Variants in COL11A1 observed in about 807,000 individuals in gnomAD.
COL11A1 encodes the protein collagen type XI alpha 1 chain, also known as collagen alpha-1(XI) chain.
In COL11A1, 74 loss-of-function variants were observed where a neutral mutation model predicts 265.2. The observed-to-expected ratio is 0.28, with a 90% CI of 0.23 to 0.34. The LOEUF is 0.34. Ranked by LOEUF, COL11A1 falls within the 10% of genes least tolerant of loss-of-function variation. The pLI is 1.00. For synonymous variants in COL11A1, 816 were observed against 727.6 expected (o/e 1.12, Z -1.96); for missense variants, 2,165 against 2,263.6 (o/e 0.96, Z 0.88).
chr1:102,901,099 C>T (rs1017065157), intron 54 of COL11A1, among the ~76,000 whole-genome samples: 11 of 151,972 alleles, frequency 7.2e-5, no homozygotes, highest in Non-Finnish European at 1.6e-4. Flanking sequence ...GCAGGCGGAT[C>T]GCCTCAGGCC....
chr1:103,097,844 C>T (rs1673907495), intron 1 of COL11A1, among the ~76,000 whole-genome samples: 1 of 151,944 alleles, frequency 6.6e-6, no homozygotes, highest in African/African-American at 2.4e-5. Flanking sequence ...GTCTGTGTAG[C>T]CACAGCACTT....
At position 102,961,939 on chromosome 1, in the gene COL11A1, TA is replaced by T. The variant is rs754587725; in HGVS notation, c.3115-21del. The T allele has an allele frequency of 3.2e-5, 51 of 1,608,492 alleles. No individual in the cohort carries two copies. Among genetic ancestry groups the T allele is most frequent in the Non-Finnish European group, 4.2e-5 (50 of 1,177,164 alleles). ...TGCACCCTGGGAAAAGTGAAAAAAA[TA>T]AAGAAAATGAATCCATATGAATTGA... is the stretch of plus-strand genomic sequence containing the variant. On this transcript the variant is annotated intron_variant, in intron 40 of 66. Coordinates refer to ENST00000370096, the MANE Select transcript of COL11A1 (RefSeq NM_001854.4).
chr1:102,986,253 G>A (rs987317860), intron 30 of COL11A1, among the ~76,000 whole-genome samples: 1 of 151,946 alleles, frequency 6.6e-6, no homozygotes, highest in Non-Finnish European at 1.5e-5. Flanking sequence ...ATGAGTTCAT[G>A]TCCTTTGTAG....
At chr1:102,916,908 G>C (rs1393059905) in intron 49 of COL11A1, among the ~76,000 whole-genome samples, 1 of 151,834 alleles carries the variant, frequency 6.6e-6, no homozygotes, top group Non-Finnish European at 1.5e-5. Flanking sequence ...ATGTTTCCAA[G>C]GGCTGATATT....
At chr1:102,910,089 A>G (rs1654465827) in intron 54 of COL11A1, among the ~76,000 whole-genome samples, 2 of 152,006 alleles carry the variant, frequency 1.3e-5, no homozygotes, top group South Asian at 4.1e-4. Context: ...ATAGGTTTAT[A>G]TATAAGTTTT....
intron 36 of COL11A1, among the ~76,000 whole-genome samples, chr1:102,973,868 G>A (rs1662207865): frequency 6.6e-6 from 1 of 152,176 alleles, no homozygotes; most frequent in African/African-American, 2.4e-5. Flanking sequence ...AATATTTGAT[G>A]TTTAATTATT....
chr1:103,040,483 T>C (rs1042017559), intron 4 of COL11A1, among the ~76,000 whole-genome samples: 12 of 151,608 alleles, frequency 7.9e-5, no homozygotes, highest in African/African-American at 2.9e-4. Flanking sequence ...GAAACTCTTA[T>C]GTAAAAATTT....
At chr1:102,919,405 A>AAATAT (rs1319307769) in intron 49 of COL11A1, among the ~76,000 whole-genome samples, 1 of 151,802 alleles carries the variant, frequency 6.6e-6, no homozygotes, top group African/African-American at 2.4e-5. Flanking sequence ...AAATAAATTT[A>AAATAT]AATATAATAT....
chr1:102,984,766 G>A (rs1258108408), intron 30 of COL11A1, among the ~76,000 whole-genome samples: 1 of 151,912 alleles, frequency 6.6e-6, no homozygotes, highest in Admixed American at 6.6e-5. Context: ...TGAAATATCT[G>A]GACTAATAAA....
intron 4 of COL11A1, among the ~76,000 whole-genome samples, chr1:103,065,393 G>A (rs943372172): frequency 6.6e-6 from 1 of 151,534 alleles, no homozygotes; most frequent in Non-Finnish European, 1.5e-5. Flanking sequence ...GTTGGCAGGC[G>A]CCTGTAGTCC....
chr1:103,048,136 T>C (rs914413918), intron 4 of COL11A1, among the ~76,000 whole-genome samples: 1 of 152,194 alleles, frequency 6.6e-6, no homozygotes, highest in Non-Finnish European at 1.5e-5. Context: ...TTAGGGAGGA[T>C]TCCCTCTTTT....
At chr1:102,938,339 T>C (rs761635562) in intron 44 of COL11A1, among the ~76,000 whole-genome samples, 3 of 151,780 alleles carry the variant, frequency 2.0e-5, no homozygotes, top group Non-Finnish European at 2.9e-5. Context: ...ACTCCCCCAA[T>C]TTATGTTTCT....
chr1:102,942,076 C>T (rs561888599), intron 42 of COL11A1, among the ~76,000 whole-genome samples: 1 of 152,228 alleles, frequency 6.6e-6, no homozygotes, highest in African/African-American at 2.4e-5. Context: ...AAGAAGGATG[C>T]CCCTGATGTC....
At chr1:103,068,944 A>G (rs917793413) in intron 4 of COL11A1, among the ~76,000 whole-genome samples, 1 of 151,654 alleles carries the variant, frequency 6.6e-6, no homozygotes, top group African/African-American at 2.4e-5. Flanking sequence ...ATGGAGTTAT[A>G]TTATGTACAG....
At chr1:103,079,172 C>T (rs1475695133) in intron 2 of COL11A1, among the ~76,000 whole-genome samples, 2 of 152,070 alleles carry the variant, frequency 1.3e-5, no homozygotes, top group Admixed American at 6.6e-5. Flanking sequence ...CACATAACCA[C>T]CACTCTTAAA....
chr1:103,024,310 T>C (rs1244595704), intron 7 of COL11A1, among the ~76,000 whole-genome samples: 1 of 152,138 alleles, frequency 6.6e-6, no homozygotes, highest in East Asian at 1.9e-4. Flanking sequence ...GATTGATTTA[T>C]TTGTAAAGAC....
chr1:103,082,890 G>A lies in COL11A1; in HGVS notation c.189C>T (p.Asn63=). The A allele has an allele frequency of 6.2e-7, 1 of 1,613,598 alleles. No homozygotes were observed. The highest frequency in any genetic ancestry group is 8.5e-7 in the Non-Finnish European group (1 of 1,179,710). The change falls in exon 2 of 67, where the codon AAC becomes AAT. Residue 63 remains asparagine (N), a synonymous_variant. Transcript: ENST00000370096. ...TATCTGAGCCTTTAGAATTCTTTCT[G>A]TTTGTGCAAAATCCCGTTGTTTTTG... ...GISKTTGFCT[N]RKNSKGSDTA... is the part of the protein sequence containing the mutation.
intron 31 of COL11A1, chr1:102,979,739 G>A (rs1233628985): frequency 2.6e-6 from 1 of 385,998 alleles, no homozygotes; most frequent in Admixed American, 4.0e-5. Flanking sequence ...TATAGAAAAT[G>A]TATTGCAATG....
chr1:102,992,715 G>A, intron 28 of COL11A1, among the ~76,000 whole-genome samples: 1 of 151,796 alleles, frequency 6.6e-6, no homozygotes, highest in East Asian at 1.9e-4. Context: ...TACTTGATTG[G>A]TATATTAGAT....
Sources: gnomAD v4.1 joint callset for allele counts (sites outside exome capture counted in the v4.1 genomes callset) on GRCh38, gnomAD v4.1.1 for gene constraint, MANE v1.5 for transcripts, NCBI Gene and HGNC (gene_info 2026-07-23, HGNC 2026-07-21) for gene names.